The following KLKB1 variants were observed in gnomAD, a reference collection of about 807,000 sequenced individuals.
The protein encoded by KLKB1 is plasma kallikrein.
KLKB1 carries 58 observed loss-of-function variants against 73.6 expected under a neutral mutation model. The observed-to-expected ratio is 0.79, with a 90% confidence interval of 0.64 to 0.98. The LOEUF (loss-of-function observed/expected upper bound fraction) is 0.98, where lower values mean the gene tolerates loss of function less well. Among genes scored for constraint, KLKB1 ranks in the 50% least tolerant of loss-of-function variants. KLKB1 has a pLI of 0.00. For missense variants in KLKB1, 737 were observed against 763.8 expected (o/e 0.96, Z 0.41); for synonymous variants, 280 against 258.1 (o/e 1.08, Z -0.81).
Position 186,257,275 on chromosome 4 carries a change from TGAA to T in KLKB1, c.1639_1641del (p.Glu547del). 1.9e-6 allele frequency: 3 copies of T among 1,601,274 alleles called. No individual in the cohort carries two copies. The highest frequency in any genetic ancestry group is 2.6e-6 in the Non-Finnish European group (3 of 1,171,828). On this transcript the variant is annotated inframe_deletion, in exon 14 of 15. Transcript: ENST00000264690. ...AGGTAAATATTCCTTTGGTAACAAATGAAGAATGCCAGAAAAGATATCAAGATT... is the reference window on the plus strand; with the variant it reads ...AGGTAAATATTCCTTTGGTAACAAATGAATGCCAGAAAAGATATCAAGATT...
At chr4:186,215,669 G>C (rs778557078) in intron 2 of KLKB1, among the ~76,000 whole-genome samples, 1 of 152,008 alleles carries the variant, frequency 6.6e-6, no homozygotes, top group African/African-American at 2.4e-5. Context: ...CACCTACTGC[G>C]CTCAAGGGAT....
chr4:186,242,071 T>TA (rs1380066703), intron 6 of KLKB1, among the ~76,000 whole-genome samples: 19 of 149,780 alleles, frequency 1.3e-4, no homozygotes, highest in Admixed American at 1.2e-3. Flanking sequence ...TGAAGGGAGA[T>TA]GGGGTGGGGA....
intron 2 of KLKB1, among the ~76,000 whole-genome samples, chr4:186,220,403 A>G (rs921237580): frequency 1.3e-5 from 2 of 152,186 alleles, no homozygotes; most frequent in Non-Finnish European, 2.9e-5. Context: ...AATGTTGTAC[A>G]TTAGATCCTC....
At chr4:186,227,013 G>A (rs1435413750), upstream of KLKB1, among the ~76,000 whole-genome samples, 1 of 152,184 alleles carries the variant, frequency 6.6e-6, no homozygotes, top group Non-Finnish European at 1.5e-5. Context: ...GCCTGTGGCA[G>A]GCCTGAATCC....
chr4:186,214,379 G>A (rs188133399), intron 2 of KLKB1, among the ~76,000 whole-genome samples: 58 of 152,324 alleles, frequency 3.8e-4, no homozygotes, highest in African/African-American at 1.0e-3. Context: ...GACCAAAAGC[G>A]AGTTAGTGTG....
chr4:186,216,283 C>A (rs1284574692), intron 2 of KLKB1, among the ~76,000 whole-genome samples: 1 of 152,084 alleles, frequency 6.6e-6, no homozygotes, highest in Non-Finnish European at 1.5e-5. Flanking sequence ...AAAAGTCTGC[C>A]AAGTTCTATT....
At chr4:186,255,894 C>A (rs1738968333) in intron 12 of KLKB1, 98 bp from the exon 13 acceptor site, 2 of 821,232 alleles carry the variant, frequency 2.4e-6, no homozygotes. Flanking sequence ...TGATGCTACT[C>A]TATAGAAAGA....
Position 186,239,574 on chromosome 4 carries a change from C to G in KLKB1, c.598+1209C>G, listed in dbSNP as rs574128990. Among the ~76,000 whole-genome samples the G allele has an allele frequency of 1.2e-3, 170 of 140,530 alleles. 1 individual carries two copies. Among genetic ancestry groups the G allele is most frequent in the African/African-American group, 4.3e-3 (164 of 38,018 alleles). 92.2% of individuals were successfully genotyped at this position (140,530 alleles called of 152,430 possible). A position where few individuals can be genotyped will look rare whatever the true frequency, so the allele number is the denominator to read the frequency against. Reference sequence around the variant, plus strand: ...AGTGATACTGTTAGAGTTATAGGTACAGTGACATAGGACAGTGATACTGTT... The same window carrying G: ...AGTGATACTGTTAGAGTTATAGGTAGAGTGACATAGGACAGTGATACTGTT... On this transcript the variant is annotated intron_variant, in intron 6 of 14. Transcript: ENST00000264690.
chr4:186,215,753 T>G (rs1736885902), intron 2 of KLKB1, among the ~76,000 whole-genome samples: 1 of 152,134 alleles, frequency 6.6e-6, no homozygotes, highest in Admixed American at 6.5e-5. Flanking sequence ...TTTGTAATTT[T>G]TCTTGTACAG....
chr4:186,213,817 A>C (rs1736809404), intron 2 of KLKB1, among the ~76,000 whole-genome samples: 1 of 152,164 alleles, frequency 6.6e-6, no homozygotes, highest in Non-Finnish European at 1.5e-5. Flanking sequence ...GAAGATCAAA[A>C]CCTTTTTCCT....
intron 3 of KLKB1, among the ~76,000 whole-genome samples, 161 bp downstream of exon 3, chr4:186,232,450 G>A (rs557492722): frequency 1.3e-5 from 2 of 152,266 alleles, no homozygotes; most frequent in South Asian, 4.2e-4. Flanking sequence ...AGATTCCTAG[G>A]CCACAACCCA....
upstream of KLKB1, among the ~76,000 whole-genome samples, chr4:186,225,689 C>T (rs1737146623): frequency 6.6e-6 from 1 of 152,074 alleles, no homozygotes; most frequent in African/African-American, 2.4e-5. Context: ...CCATCTTGGC[C>T]TCCCAAAGTG....
intron 2 of KLKB1, chr4:186,213,397 G>A (rs892539079): frequency 1.3e-5 from 2 of 152,186 alleles, no homozygotes; most frequent in African/African-American, 2.4e-5. Flanking sequence ...ATAGAAAACT[G>A]TAAAAGATAA....
chr4:186,225,576 T>A (rs1423424493), upstream of KLKB1, among the ~76,000 whole-genome samples: 1 of 151,804 alleles, frequency 6.6e-6, no homozygotes, highest in East Asian at 1.9e-4. Flanking sequence ...AGACTACAGG[T>A]GCCCACCACC....
chr4:186,238,361 A>T lies in KLKB1; in HGVS notation c.594A>T (p.Glu198Asp). Residue 198 changes from glutamate (E) to aspartate (D), a missense_variant, in exon 6 of 15, where the codon GAA (glutamate) becomes GAT (aspartate). Transcript: ENST00000264690. ...CACTGAAGCCCTGTGCCCTTTCAGA[A>T]ATTGGTAATTGTAGGACTACTTCAC... ...GFSLKPCALS[E>D]IGCHMNIFQH... 1 of 1,604,332 alleles carries T rather than the reference A, an allele frequency of 6.2e-7. No individual in the cohort carries two copies. The highest frequency in any genetic ancestry group is 8.5e-7 in the Non-Finnish European group (1 of 1,171,122).
At chr4:186,236,092 C>A (rs1411636860) in intron 4 of KLKB1, among the ~76,000 whole-genome samples, 1 of 78,436 alleles carries the variant, frequency 1.3e-5, no homozygotes, top group Non-Finnish European at 2.3e-5. Flanking sequence ...CCAGCCTGGG[C>A]GACAGAGCGA....
chr4:186,250,267 A>C lies in KLKB1; in HGVS notation c.623A>C (p.His208Pro), dbSNP rs145640112. The change falls in exon 7 of 15, where the codon CAT becomes CCT. Residue 208 changes from histidine (H) to proline (P), a missense_variant. His to Pro is a moderately conservative substitution (Grantham distance 77). Transcript: ENST00000264690. ...GGTTGCCACATGAACATCTTCCAGC[A>C]TCTTGCGTTCTCAGATGTGGATGTT... ...EIGCHMNIFQ[H>P]LAFSDVDVAR... The C allele has an allele frequency of 1.0e-4, 166 of 1,614,196 alleles. No homozygotes were observed. In the African/African-American group the frequency reaches 2.1e-3, roughly 20 times the overall value.
chr4:186,243,813 A>T (rs180955428), intron 6 of KLKB1, among the ~76,000 whole-genome samples: 1 of 152,348 alleles, frequency 6.6e-6, no homozygotes, highest in African/African-American at 2.4e-5. Context: ...AGCGGGGCAG[A>T]GCAGTAGCCT....
At chr4:186,214,608 A>C (rs1390255105) in intron 2 of KLKB1, among the ~76,000 whole-genome samples, 1 of 152,190 alleles carries the variant, frequency 6.6e-6, no homozygotes, top group African/African-American at 2.4e-5. Flanking sequence ...GTTTTAGAAG[A>C]CAGCTAGGCT....
Sources: gnomAD v4.1 joint callset for allele counts (sites outside exome capture counted in the v4.1 genomes callset) on GRCh38, gnomAD v4.1.1 for gene constraint, MANE v1.5 for transcripts, NCBI Gene and HGNC (gene_info 2026-07-23, HGNC 2026-07-21) for gene names.